The following SH3TC2 variants were observed in gnomAD, a reference collection of about 807,000 sequenced individuals.
SH3TC2 encodes SH3 domain and tetratricopeptide repeat-containing protein 2.
A neutral mutation model predicts 124.5 loss-of-function variants in SH3TC2; 87 were observed. The observed-to-expected ratio is 0.70, with a 90% CI of 0.59 to 0.84. The LOEUF (loss-of-function observed/expected upper bound fraction) is 0.84. Among genes scored for constraint, SH3TC2 ranks in the 40% least tolerant of loss-of-function variants. The probability of loss-of-function intolerance (pLI) is 0.00; values close to 1 mark genes in which losing one functional copy is unlikely to be tolerated. For synonymous variants in SH3TC2, 634 were observed against 628.5 expected, an observed-to-expected ratio of 1.01 and a Z score of -0.13; for missense variants, 1,536 against 1,566.4, an observed-to-expected ratio of 0.98 and a Z score of 0.33.
intron 2 of SH3TC2, among the ~76,000 whole-genome samples, chr5:149,049,852 A>G (rs572514922): frequency 1.3e-5 from 2 of 152,174 alleles, no homozygotes; most frequent in Non-Finnish European, 2.9e-5. Flanking sequence ...CCTGGTATGT[A>G]TCAAAGATTC....
chr5:149,056,599 A>G (rs975984010), intron 1 of SH3TC2, among the ~76,000 whole-genome samples: 2 of 152,200 alleles, frequency 1.3e-5, no homozygotes, highest in African/African-American at 4.8e-5. Flanking sequence ...GTTTTTAATT[A>G]GCACTTTGGG....
At chr5:149,058,599 T>A (rs1754691748) in intron 1 of SH3TC2, among the ~76,000 whole-genome samples, 1 of 152,088 alleles carries the variant, frequency 6.6e-6, no homozygotes, top group Non-Finnish European at 1.5e-5. Context: ...TTCTGGATAT[T>A]ACTCCCCAGT....
chr5:149,045,385 T>G (rs1754441457), intron 3 of SH3TC2: 1 of 152,282 alleles, frequency 6.6e-6, no homozygotes, highest in African/African-American at 2.4e-5. Flanking sequence ...TTCTTATGGT[T>G]TCATGTTTGG....
chr5:149,027,760 G>A lies in SH3TC2; in HGVS notation c.1972C>T (p.Arg658Cys), dbSNP rs80338926. 39 of 1,613,838 alleles carry A rather than the reference G, an allele frequency of 2.4e-5. No individual in the cohort carries two copies. The highest frequency in any genetic ancestry group is 2.9e-5 in the Non-Finnish European group (34 of 1,179,970). Reference protein sequence around the residue: ...RHEEVLPFAERLQLLSGHPPA... With the variant: ...RHEEVLPFAECLQLLSGHPPA... ...GGGTGTCCAGAGAGGAGCTGCAGGC[G>A]CTCGGCAAAGGGCAGGACCTCCTCG... is the stretch of plus-strand genomic sequence containing the variant. Residue 658 changes from arginine to cysteine, a missense_variant, in exon 11 of 17, where the codon CGC becomes TGC. Coordinates refer to ENST00000515425, the MANE Select transcript of SH3TC2 (RefSeq NM_024577.4).
intron 12 of SH3TC2, 64 bp from the exon 13 acceptor site, chr5:149,012,798 C>T (rs928507022): frequency 1.3e-6 from 2 of 1,578,240 alleles, no homozygotes; most frequent in Non-Finnish European, 1.7e-6. Flanking sequence ...CCACTCAGCA[C>T]AGGATGAAAC....
At chr5:149,051,649 T>C (rs1438390824) in intron 2 of SH3TC2, among the ~76,000 whole-genome samples, 1 of 152,156 alleles carries the variant, frequency 6.6e-6, no homozygotes, top group East Asian at 1.9e-4. Context: ...GGATCAGGTC[T>C]CACTCTGTTG....
At chr5:149,037,081 C>A (rs1203490966) in intron 8 of SH3TC2, among the ~76,000 whole-genome samples, 1 of 152,164 alleles carries the variant, frequency 6.6e-6, no homozygotes, top group African/African-American at 2.4e-5. Context: ...GGAAAGGGCC[C>A]TCACACAGGC....
At position 149,027,117 on chromosome 5, in the gene SH3TC2, A is replaced by G. The variant is rs1754079050; in HGVS notation, c.2615T>C (p.Val872Ala). 16 of 1,614,140 alleles carry G rather than the reference A, an allele frequency of 9.9e-6. No individual in the cohort carries two copies. The highest frequency in any genetic ancestry group is 1.4e-5 in the Non-Finnish European group (16 of 1,180,000). Residue 872 changes from valine to alanine, a missense_variant, in exon 11 of 17, where the codon GTG becomes GCG. Around this residue, in one of 3 missense-constraint regions of SH3TC2, gnomAD observed 1,102 missense variants for 1,098.6 expected, o/e 1.00. Coordinates refer to ENST00000515425, the MANE Select transcript of SH3TC2 (RefSeq NM_024577.4). ...GGCCATAGCCACTGCCTGGTTATGC[A>G]CATCTCCCACCTCCTGGGCTCTGTT... ...ALNRAQEVGD[V>A]HNQAVAMANL...
At chr5:149,015,007 G>C (rs1011780759) in intron 12 of SH3TC2, among the ~76,000 whole-genome samples, 1 of 152,122 alleles carries the variant, frequency 6.6e-6, no homozygotes, top group Non-Finnish European at 1.5e-5. Flanking sequence ...GACCTTCAGG[G>C]AACAAGATTT....
chr5:149,018,089 T>C lies in SH3TC2; in HGVS notation c.3054-5355A>G, dbSNP rs149514772. 2.9e-3 allele frequency among the ~76,000 whole-genome samples: 439 copies of C among 152,368 alleles called. 4 individuals carry two copies. The highest frequency in any genetic ancestry group is 0.01 in the African/African-American group (416 of 41,594). ...TAGATACACACTGTTTGGATATCAA[T>C]CCCTGCTGGGAAGGCTCATGCAAGT... On this transcript the variant is annotated intron_variant, in intron 12 of 16. Transcript: ENST00000515425.
At chr5:149,010,533 C>A (rs1580890084) in intron 13 of SH3TC2, 141 bp from the exon 14 acceptor site, 1 of 1,124,404 alleles carries the variant, frequency 8.9e-7, no homozygotes, top group East Asian at 2.6e-5. Flanking sequence ...CTTCACACTC[C>A]TAGGGCTGGT....
rs201530053 is a variant in SH3TC2, at chr5:148,993,238, A to G, written c.*11473T>C. On this transcript the variant is annotated 3_prime_UTR_variant, in exon 17 of 17. Transcript: ENST00000515425. ...AAATTATCCCAATAAAATTCAAATCAATCAAATTTAAACCAGGAAAATTTG... is the reference window on the plus strand; with the variant it reads ...AAATTATCCCAATAAAATTCAAATCGATCAAATTTAAACCAGGAAAATTTG... Among the ~76,000 whole-genome samples, 2 of 152,232 alleles carry G rather than the reference A, an allele frequency of 1.3e-5. No homozygotes were observed. The highest frequency in any genetic ancestry group is 3.8e-4 in the East Asian group (2 of 5,200).
At chr5:149,012,842 T>A in intron 12 of SH3TC2, 108 bp from the exon 13 acceptor site, 1 of 1,292,792 alleles carries the variant, frequency 7.7e-7, no homozygotes, top group East Asian at 2.4e-5. Flanking sequence ...ATGTCCCACA[T>A]CACACAGGGA....
chr5:149,028,408 G>T lies in SH3TC2; in HGVS notation c.1324C>A (p.Pro442Thr), dbSNP rs192739202. 1 of 1,613,954 alleles carries T rather than the reference G, an allele frequency of 6.2e-7. No individual in the cohort carries two copies. Among genetic ancestry groups the T allele is most frequent in the Admixed American group, 1.7e-5 (1 of 60,020 alleles). Residue 442 changes from proline to threonine, a missense_variant, in exon 11 of 17, where the codon CCG becomes ACG. By Grantham distance (38) the Pro-to-Thr change is conservative. Around this residue, in one of 3 missense-constraint regions of SH3TC2, gnomAD observed 1,102 missense variants for 1,098.6 expected, o/e 1.00. Coordinates refer to ENST00000515425, the MANE Select transcript of SH3TC2 (RefSeq NM_024577.4). ...LSATSDSYRL[P>T]EPDDLDDPEL... ...GGGTCATCAAGGTCATCAGGCTCCG[G>T]CAGGCGATAGCTGTCTGAGGTGGCC... is the stretch of plus-strand genomic sequence containing the variant.
At position 148,984,758 on chromosome 5, in the gene SH3TC2, G is replaced by C. The variant is rs1753307482; in HGVS notation, c.*19953C>G. On this transcript the variant is annotated 3_prime_UTR_variant, in exon 17 of 17. Transcript: ENST00000515425. The stretch of plus-strand genomic sequence containing the variant: ...TGTGCTTGGTGCTGTAAACAAATTT[G>C]TTCCCAGTATCTGACCTAAGAGAAC... Among the ~76,000 whole-genome samples the C allele has an allele frequency of 6.6e-6, 1 of 152,164 alleles. No individual in the cohort carries two copies. The highest frequency in any genetic ancestry group is 1.5e-5 in the Non-Finnish European group (1 of 68,018).
intron 12 of SH3TC2, among the ~76,000 whole-genome samples, chr5:149,015,907 T>A (rs1480830568): frequency 6.6e-6 from 1 of 152,228 alleles, no homozygotes; most frequent in East Asian, 1.9e-4. Context: ...TTAATCCCCA[T>A]AGAAATCCCA....
intron 15 of SH3TC2, chr5:149,007,626 G>C (rs987322332): frequency 2.5e-5 from 5 of 198,028 alleles, no homozygotes. Context: ...GTCAGTCTCA[G>C]ATAAGCTACA....
chr5:149,003,146 T>A lies in SH3TC2; in HGVS notation c.*1565A>T, dbSNP rs1379586730. The A allele has an allele frequency of 6.6e-6, 1 of 152,232 alleles. No homozygotes were observed. The highest frequency in any genetic ancestry group is 1.5e-5 in the Non-Finnish European group (1 of 68,040). 9.4% of individuals were successfully genotyped at this position (152,232 alleles called of 1,614,324 possible). The stretch of plus-strand genomic sequence containing the variant: ...AACTCAGATACTGTGGTAGGTCACT[T>A]CTGAAATGATCCCCAATGATTCCTC... On this transcript the variant is annotated 3_prime_UTR_variant, in exon 17 of 17. Coordinates refer to ENST00000515425, the MANE Select transcript of SH3TC2 (RefSeq NM_024577.4).
intron 8 of SH3TC2, chr5:149,035,703 T>C (rs963656775): frequency 6.6e-6 from 1 of 152,222 alleles, no homozygotes; most frequent in African/African-American, 2.4e-5. Flanking sequence ...GTGCAATCTC[T>C]GGTGCATTGG....
Sources: allele counts gnomAD v4.1 joint callset (sites outside exome capture counted in the v4.1 genomes callset), GRCh38; gene constraint gnomAD v4.1.1; regional missense constraint gnomAD v4.1.1; transcripts MANE v1.5; gene names NCBI Gene and HGNC (gene_info 2026-07-23, HGNC 2026-07-21).